The following EIF2B5 variants were observed in gnomAD, a reference collection of about 807,000 sequenced individuals.
EIF2B5 encodes the protein eukaryotic translation initiation factor 2B subunit epsilon, also known as translation initiation factor eIF2B subunit epsilon.
In EIF2B5, 38 loss-of-function variants were observed where a neutral mutation model predicts 87.3. That is an observed-to-expected ratio of 0.44 (90% CI 0.34 to 0.57). EIF2B5 has a LOEUF of 0.57. Ranked by LOEUF, EIF2B5 falls within the 20% of genes least tolerant of loss-of-function variation. The pLI is 0.02. For synonymous variants in EIF2B5, 313 were observed against 339.6 expected, an observed-to-expected ratio of 0.92 and a Z score of 0.86; for missense variants, 784 against 909.5, an observed-to-expected ratio of 0.86 and a Z score of 1.78.
In EIF2B5 at chr3:184,136,598, C is replaced by G; in HGVS notation, c.196-14C>G. ...TTCGAGACCTCAAGTTTTTTTTCAT[C>G]TTGTATCCTTCAGGTCCTCTTGCCC... On this transcript the variant is annotated splice_polypyrimidine_tract_variant and intron_variant, in intron 1 of 15. Transcript: ENST00000648915. 2 of 1,613,890 alleles carry G rather than the reference C, an allele frequency of 1.2e-6. No homozygotes were observed. The highest frequency in any genetic ancestry group is 1.7e-6 in the Non-Finnish European group (2 of 1,179,980).
At position 184,138,077 on chromosome 3, in the gene EIF2B5, T is replaced by C; in HGVS notation, c.684+2T>C. On this transcript the variant is annotated splice_donor_variant, in intron 4 of 15. Coordinates refer to ENST00000648915, the MANE Select transcript of EIF2B5 (RefSeq NM_003907.3). LOFTEE classifies it high-confidence loss of function. ...CTCCGGCGTTTTGCATTTCCTCTGG[T>C]GTGTGGATATCTGGGGTCCTTTGAG... The C allele has an allele frequency of 6.2e-7, 1 of 1,614,068 alleles. No homozygotes were observed. The highest frequency in any genetic ancestry group is 8.5e-7 in the Non-Finnish European group (1 of 1,180,014).
At position 184,136,690 on chromosome 3, in the gene EIF2B5, T is replaced by C. The variant is rs1385783854; in HGVS notation, c.274T>C (p.Phe92Leu). The C allele has an allele frequency of 1.2e-6, 2 of 1,614,176 alleles. No individual in the cohort carries two copies. Among genetic ancestry groups the C allele is most frequent in the Non-Finnish European group, 1.7e-6 (2 of 1,180,028 alleles). ...GACTGCCACAGGTGTACAGGAAACA[T>C]TTGTCTTTTGTTGCTGGAAAGCTGC... ...FLTATGVQET[F>L]VFCCWKAAQI... Residue 92 changes from phenylalanine to leucine, a missense_variant, in exon 2 of 16, where the codon TTT becomes CTT. By Grantham distance (22) the Phe-to-Leu change is conservative. Coordinates refer to ENST00000648915, the MANE Select transcript of EIF2B5 (RefSeq NM_003907.3).
At chr3:184,141,869 C>G in intron 7 of EIF2B5, 56 bp from the exon 8 acceptor site, 1 of 1,610,834 alleles carries the variant, frequency 6.2e-7, no homozygotes, top group Non-Finnish European at 8.5e-7. Context: ...CTATGAAGGG[C>G]TCTGCTCTGC....
chr3:184,137,947 A>G lies in EIF2B5; in HGVS notation c.556A>G (p.Lys186Glu). Residue 186 changes from lysine (K) to glutamate (E), a missense_variant, in exon 4 of 16, where the codon AAG becomes GAG. This residue lies in a region of EIF2B5 where 660 missense variants were observed against 789.5 expected (regional missense o/e 0.84). Transcript: ENST00000648915. ...TGTTTCTGTGATGACGATGATCTTC[A>G]AGGAGTCATCCCCCAGCCACCCAAC... ...KNVSVMTMIF[K>E]ESSPSHPTRC... 6.2e-7 allele frequency: 1 copy of G among 1,614,206 alleles called. No homozygotes were observed. The highest frequency in any genetic ancestry group is 1.1e-5 in the South Asian group (1 of 91,088).
chr3:184,139,470 G>A (rs1380631896), intron 5 of EIF2B5, among the ~76,000 whole-genome samples: 2 of 150,608 alleles, frequency 1.3e-5, no homozygotes, highest in African/African-American at 2.4e-5. Flanking sequence ...TAGTAGAGAC[G>A]AGGTTTTACC....
At position 184,137,676 on chromosome 3, in the gene EIF2B5, A is replaced by G. The variant is rs1469616743; in HGVS notation, c.377A>G (p.Glu126Gly). 6.2e-7 allele frequency: 1 copy of G among 1,614,186 alleles called. No homozygotes were observed. The highest frequency in any genetic ancestry group is 1.7e-5 in the Admixed American group (1 of 60,018). Residue 126 changes from glutamate (E) to glycine (G), a missense_variant, in exon 3 of 16, where the codon GAG becomes GGG. Physicochemically the swap from Glu to Gly is moderately conservative, Grantham distance 98. Around this residue, in one of 3 missense-constraint regions of EIF2B5, gnomAD observed 660 missense variants for 789.5 expected, o/e 0.84. Transcript: ENST00000648915. ...SLNVVRIITS[E>G]LYRSLGDVLR... is the part of the protein sequence containing the mutation. The stretch of plus-strand genomic sequence containing the variant: ...AATGTGGTTCGAATAATTACATCAG[A>G]GCTCTATCGATCACTGGGAGATGTC...
intron 4 of EIF2B5, 38 bp downstream of exon 4, chr3:184,138,113 G>A: frequency 1.2e-6 from 2 of 1,614,122 alleles, no homozygotes; most frequent in Non-Finnish European, 8.5e-7. Context: ...ATGGGGAAGT[G>A]ACAGGCTTCA....
chr3:184,144,370 T>TGGAGCC, intron 14 of EIF2B5, 146 bp downstream of exon 14: 3 of 1,403,342 alleles, frequency 2.1e-6, no homozygotes, highest in Non-Finnish European at 3.0e-6. Flanking sequence ...TAGTACAGCT[T>TGGAGCC]GGAGCCGGAC....
At chr3:184,143,718 C>G (rs1441009246) in intron 13 of EIF2B5, 153 bp downstream of exon 13, 21 of 1,140,206 alleles carry the variant, frequency 1.8e-5, no homozygotes, top group South Asian at 1.3e-5. Context: ...TTGGCTGGTT[C>G]AGAGGGGTCA....
chr3:184,135,869 C>G (rs1713328696), intron 1 of EIF2B5: 2 of 512,724 alleles, frequency 3.9e-6, no homozygotes, highest in Non-Finnish European at 7.0e-6. Context: ...TTCAGTGCCC[C>G]TAGAAGAGGC....
intron 14 of EIF2B5, 49 bp downstream of exon 14, chr3:184,144,273 G>T (rs1364587959): frequency 4.3e-6 from 7 of 1,611,602 alleles, no homozygotes; most frequent in South Asian, 1.1e-5. Context: ...TTCAAACGAG[G>T]GTTGGTGACC....
chr3:184,143,976 A>G, intron 13 of EIF2B5, 123 bp from the exon 14 acceptor site: 1 of 1,455,646 alleles, frequency 6.9e-7, no homozygotes, highest in South Asian at 1.2e-5. Context: ...CCTCTGACAT[A>G]ATTCCACAGA....
chr3:184,144,212 T>C lies in EIF2B5; in HGVS notation c.1983T>C (p.Ile661=), dbSNP rs1713764141. 1.2e-6 allele frequency: 2 copies of C among 1,614,006 alleles called. No individual in the cohort carries two copies. Among genetic ancestry groups the C allele is most frequent in the Non-Finnish European group, 1.7e-6 (2 of 1,180,058 alleles). ...TCCTAGAGCATGAAGCTCTTGGTAT[T>C]TCCATGGCCAAGGTGAATATGACCT... The part of the protein sequence containing the change: ...DFFLEHEALG[I]SMAKVLMAFY... Residue 661 remains isoleucine, a synonymous_variant, in exon 14 of 16, where the codon ATT becomes ATC. Coordinates refer to ENST00000648915, the MANE Select transcript of EIF2B5 (RefSeq NM_003907.3).
At chr3:184,136,908 A>G (rs919218257) in intron 2 of EIF2B5, 172 bp downstream of exon 2, 10 of 905,286 alleles carry the variant, frequency 1.1e-5, no homozygotes, top group African/African-American at 1.7e-5. Context: ...GAAACTTTGT[A>G]TCTGTCTGTC....
intron 7 of EIF2B5, among the ~76,000 whole-genome samples, 175 bp from the exon 8 acceptor site, chr3:184,141,750 G>A (rs1425815443): frequency 6.6e-6 from 1 of 152,098 alleles, no homozygotes; most frequent in African/African-American, 2.4e-5. Context: ...ACTTGGTGAA[G>A]TATCTTCTCA....
intron 5 of EIF2B5, 146 bp from the exon 6 acceptor site, chr3:184,139,934 A>G: frequency 1.7e-6 from 1 of 597,344 alleles, no homozygotes. Context: ...GAGGCACAAG[A>G]ATCACTTTAA....
chr3:184,136,952 CTT>C (rs1365026091), intron 2 of EIF2B5: 6 of 648,674 alleles, frequency 9.2e-6, no homozygotes, highest in Non-Finnish European at 1.5e-5. Flanking sequence ...AAAGAATAAA[CTT>C]GGGTTTTTTC....
intron 2 of EIF2B5, 38 bp downstream of exon 2, chr3:184,136,774 C>G (rs1359398321): frequency 2.5e-6 from 4 of 1,613,958 alleles, no homozygotes; most frequent in Non-Finnish European, 3.4e-6. Context: ...GTTTCGCCAT[C>G]TTTTTCCAGT....
At chr3:184,136,821 A>AG in intron 2 of EIF2B5, 85 bp downstream of exon 2, 3 of 1,587,656 alleles carry the variant, frequency 1.9e-6, no homozygotes, top group Non-Finnish European at 1.7e-6. Context: ...GAAATGTGAG[A>AG]GGGGAAAAAT....
Sources: gnomAD v4.1 joint callset for allele counts (sites outside exome capture counted in the v4.1 genomes callset) on GRCh38, gnomAD v4.1.1 for gene constraint, gnomAD v4.1.1 regional missense constraint, MANE v1.5 for transcripts, NCBI Gene and HGNC (gene_info 2026-07-23, HGNC 2026-07-21) for gene names.